Variants in CDKN2C observed in about 807,000 individuals in gnomAD.
CDKN2C encodes the protein cyclin dependent kinase inhibitor 2C.
In CDKN2C, 5 loss-of-function variants were observed where a neutral mutation model predicts 11.0. That is an observed-to-expected ratio of 0.45 (90% confidence interval 0.24 to 0.95). The LOEUF (loss-of-function observed/expected upper bound fraction) is 0.95, where lower values mean the gene tolerates loss of function less well. Ranked by LOEUF, CDKN2C falls within the 40% of genes least tolerant of loss-of-function variation. The probability of loss-of-function intolerance (pLI) is 0.21; values close to 1 mark genes in which losing one functional copy is unlikely to be tolerated. For synonymous variants in CDKN2C, 79 were observed against 88.3 expected, an observed-to-expected ratio of 0.89 and a Z score of 0.59; for missense variants, 161 against 211.9, an observed-to-expected ratio of 0.76 and a Z score of 1.49.
chr1:50,961,802 G>A (rs1645325627), intron 1 of CDKN2C, among the ~76,000 whole-genome samples: 1 of 152,234 alleles, frequency 6.6e-6, no homozygotes, highest in Non-Finnish European at 1.5e-5. Context: ...TGAGAGTGGG[G>A]ATTACAGGTG....
At position 50,970,385 on chromosome 1, in the gene CDKN2C, G is replaced by A. The variant is rs766606863; in HGVS notation, c.17G>A (p.Gly6Glu). Residue 6 changes from glycine to glutamate, a missense_variant, in exon 1 of 2, where the codon GGG becomes GAG. By Grantham distance (98) the Gly-to-Glu change is moderately conservative. Transcript: ENST00000371761. ...CCCTAAAGAATGGCCGAGCCTTGGG[G>A]GAACGAGTTGGCGTCCGCAGCTGCC... is the stretch of plus-strand genomic sequence containing the variant. Reference protein sequence around the residue: MAEPWGNELASAAARG... With the variant: MAEPWENELASAAARG... 1 of 1,614,030 alleles carries A rather than the reference G, an allele frequency of 6.2e-7. No homozygotes were observed.
At chr1:50,961,213 T>G (rs1645320231) in intron 1 of CDKN2C, among the ~76,000 whole-genome samples, 1 of 152,172 alleles carries the variant, frequency 6.6e-6, no homozygotes, top group Admixed American at 6.5e-5. Flanking sequence ...GTTTTTTTTG[T>G]ATTTTTAGTA....
upstream of CDKN2C, among the ~76,000 whole-genome samples, chr1:50,966,282 A>T (rs1217790536): frequency 1.3e-5 from 2 of 152,034 alleles, no homozygotes; most frequent in East Asian, 3.9e-4. Context: ...ACCTCAGGTG[A>T]TCTGCCCACC....
upstream of CDKN2C, among the ~76,000 whole-genome samples, chr1:50,965,987 G>A (rs991363793): frequency 2.0e-5 from 3 of 151,554 alleles, no homozygotes; most frequent in Non-Finnish European, 4.4e-5. Flanking sequence ...GTCAATGAGG[G>A]AAAAGCACAG....
chr1:50,972,505 CATTTA>C (rs1214982135), intron 1 of CDKN2C, among the ~76,000 whole-genome samples: 1 of 151,916 alleles, frequency 6.6e-6, no homozygotes, highest in Non-Finnish European at 1.5e-5. Context: ...TTTCCATTAG[CATTTA>C]ATTTCATAAA....
chr1:50,961,740 C>T (rs1237690548), intron 1 of CDKN2C, among the ~76,000 whole-genome samples: 1 of 152,104 alleles, frequency 6.6e-6, no homozygotes, highest in African/African-American at 2.4e-5. Context: ...ACTATGTTGC[C>T]CAGGCTGGCT....
upstream of CDKN2C, among the ~76,000 whole-genome samples, chr1:50,965,250 A>C (rs903937323): frequency 6.6e-6 from 1 of 152,024 alleles, no homozygotes; most frequent in Non-Finnish European, 1.5e-5. Flanking sequence ...CTGTAATCCT[A>C]GCACTGTGGG....
intron 1 of CDKN2C, among the ~76,000 whole-genome samples, chr1:50,962,313 G>A (rs891370820): frequency 2.6e-5 from 4 of 152,206 alleles, no homozygotes; most frequent in Admixed American, 6.5e-5. Context: ...GAACCTGGGA[G>A]GTGGAGGTTG....
At chr1:50,971,047 C>A (rs988962945) in intron 1 of CDKN2C, among the ~76,000 whole-genome samples, 1 of 152,148 alleles carries the variant, frequency 6.6e-6, no homozygotes, top group Non-Finnish European at 1.5e-5. Context: ...AATGTAATAC[C>A]ATCCACTCAT....
Position 50,961,078 on chromosome 1 carries a change from C to A in CDKN2C, c.-1976+275C>A, listed in dbSNP as rs528421500. Among the ~76,000 whole-genome samples the A allele has an allele frequency of 2.6e-5, 4 of 152,116 alleles. No homozygotes were observed. The East Asian group carries it at 7.7e-4, about 29-fold the overall frequency. On this transcript the variant is annotated intron_variant, in intron 1 of 3. Transcript: ENST00000262662. ...TGAGACGGAGTCTCGCACTGTGGCC[C>A]GGGCTGGAGTGCAGTGGCGCGATCT...
In CDKN2C at chr1:50,970,330, G is replaced by A. The variant is rs773773715; in HGVS notation, c.-39G>A. ...CAAAGGAAAGGGGAAAAAGAAAAACGACTAATTCATCTTTTCCTGATCGTC... is the reference window on the plus strand; with the variant it reads ...CAAAGGAAAGGGGAAAAAGAAAAACAACTAATTCATCTTTTCCTGATCGTC... On this transcript the variant is annotated 5_prime_UTR_variant, in exon 1 of 2. Transcript: ENST00000371761. The A allele has an allele frequency of 6.8e-5, 110 of 1,612,586 alleles. No individual in the cohort carries two copies. Among genetic ancestry groups the A allele is most frequent in the Non-Finnish European group, 8.6e-5 (101 of 1,179,844 alleles).
Position 50,973,983 on chromosome 1 carries a change from A to G in CDKN2C, c.220A>G (p.Ile74Val), listed in dbSNP as rs915173065. The change falls in exon 2 of 2, where the codon ATT becomes GTT. Residue 74 changes from isoleucine to valine, a missense_variant. Physicochemically the swap from Ile to Val is conservative, Grantham distance 29. Transcript: ENST00000371761. ...GAAAGACCGAACTGGTTTCGCTGTCATTCATGATGCGGCCAGAGCAGGTTT... is the reference window on the plus strand; with the variant it reads ...GAAAGACCGAACTGGTTTCGCTGTCGTTCATGATGCGGCCAGAGCAGGTTT... ...DLKDRTGFAV[I>V]HDAARAGFLD... 6.2e-7 allele frequency: 1 copy of G among 1,614,148 alleles called. No individual in the cohort carries two copies.
chr1:50,966,738 TAAA>T (rs34594257), upstream of CDKN2C, among the ~76,000 whole-genome samples: 2 of 141,632 alleles, frequency 1.4e-5, no homozygotes, highest in Non-Finnish European at 3.1e-5. Context: ...ACCAGAATGT[TAAA>T]AAAAAAAAAA....
chr1:50,963,610 C>G (rs1199258149), intron 1 of CDKN2C, among the ~76,000 whole-genome samples: 2 of 152,166 alleles, frequency 1.3e-5, no homozygotes, highest in African/African-American at 4.8e-5. Flanking sequence ...TTATACCATT[C>G]CCAAAGACAC....
rs1645372849 is a variant in CDKN2C at position 50,970,302 on chromosome 1, G to A, written c.-67G>A. On this transcript the variant is annotated 5_prime_UTR_variant, in exon 1 of 2. Coordinates refer to ENST00000371761, the MANE Select transcript of CDKN2C (RefSeq NM_078626.3). ...CGATGCCATCATGCAGCCTGGTTAG[G>A]AGCAAAGGAAAGGGGAAAAAGAAAA... 6.3e-7 allele frequency: 1 copy of A among 1,598,010 alleles called. No homozygotes were observed. Among genetic ancestry groups the A allele is most frequent in the Admixed American group, 1.7e-5 (1 of 59,552 alleles).
chr1:50,970,529 C>A, intron 1 of CDKN2C, 32 bp downstream of exon 1: 2 of 1,612,742 alleles, frequency 1.2e-6, no homozygotes, highest in South Asian at 2.2e-5. Flanking sequence ...GAAAACAAGT[C>A]AATAATGTTG....
intron 1 of CDKN2C, among the ~76,000 whole-genome samples, chr1:50,963,957 T>G (rs979036896): frequency 1.3e-5 from 2 of 151,894 alleles, no homozygotes; most frequent in Non-Finnish European, 2.9e-5. Context: ...AAAAGAAACT[T>G]TTATATCATC....
chr1:50,962,054 A>C (rs1645327334), intron 1 of CDKN2C, among the ~76,000 whole-genome samples: 1 of 152,252 alleles, frequency 6.6e-6, no homozygotes, highest in Non-Finnish European at 1.5e-5. Flanking sequence ...AGTCACATGA[A>C]TCAAAATGTC....
intron 1 of CDKN2C, among the ~76,000 whole-genome samples, chr1:50,962,769 A>G (rs1467286331): frequency 1.3e-5 from 2 of 152,232 alleles, no homozygotes; most frequent in African/African-American, 4.8e-5. Flanking sequence ...TAGCTGAGGG[A>G]ACTTGGATGA....
Sources: gnomAD v4.1 joint callset for allele counts (sites outside exome capture counted in the v4.1 genomes callset) on GRCh38, gnomAD v4.1.1 for gene constraint, MANE v1.5 for transcripts, NCBI Gene and HGNC (gene_info 2026-07-23, HGNC 2026-07-21) for gene names.